Variants in SPINK6 observed in about 807,000 individuals in gnomAD.
SPINK6 encodes the protein serine peptidase inhibitor Kazal type 6, also known as serine protease inhibitor Kazal-type 6.
In SPINK6, 13 loss-of-function variants were observed where a neutral mutation model predicts 11.7. The ratio of observed to expected loss-of-function variants is 1.11; its 90% confidence interval spans 0.72 to 1.76. The LOEUF (loss-of-function observed/expected upper bound fraction) is 1.76, where lower values mean the gene tolerates loss of function less well. Among genes scored for constraint, SPINK6 ranks in the 40% most tolerant of loss-of-function variants. SPINK6 has a pLI of 0.00. For missense variants in SPINK6, 98 were observed against 93.7 expected (o/e 1.05, Z -0.19); for synonymous variants, 21 against 31.9 (o/e 0.66, Z 1.15).
chr5:148,206,333 G>A (rs1034744999), intron 2 of SPINK6, among the ~76,000 whole-genome samples: 14 of 152,134 alleles, frequency 9.2e-5, no homozygotes, highest in African/African-American at 2.9e-4. Flanking sequence ...TGATTTCACT[G>A]TGTGATCTTG....
chr5:148,209,991 T>TACACACATACGTATGTATGTATAC lies in SPINK6; in HGVS notation c.82-3918_82-3917insCACACATACGTATGTATGTATACA, dbSNP rs1398978551. 2.8e-5 allele frequency among the ~76,000 whole-genome samples: 4 copies of TACACACATACGTATGTATGTATAC among 145,404 alleles called. 1 individual carries two copies. Among genetic ancestry groups the TACACACATACGTATGTATGTATAC allele is most frequent in the African/African-American group, 5.1e-5 (2 of 39,486 alleles). ...ACATACGTACGTATGTATGTATACA[T>TACACACATACGTATGTATGTATAC]ATACACGTATGTATACATGTATGTA... On this transcript the variant is annotated intron_variant, in intron 2 of 3. Transcript: ENST00000325630.
upstream of SPINK6, chr5:148,202,780 A>C (rs979746837): frequency 2.5e-5 from 6 of 235,328 alleles, no homozygotes; most frequent in Non-Finnish European, 3.3e-5. Context: ...CAACCAGTGA[A>C]TCATCCCTAT....
rs1561732169 is a variant in SPINK6 at position 148,209,992 on chromosome 5, A to ACACACG, written c.82-3918_82-3917insCACACG. 4.8e-4 allele frequency among the ~76,000 whole-genome samples: 70 copies of ACACACG among 145,846 alleles called. 15 individuals carry two copies. The highest frequency in any genetic ancestry group is 1.2e-3 in the Admixed American group (17 of 14,746). ...CATACGTACGTATGTATGTATACAT[A>ACACACG]TACACGTATGTATACATGTATGTAC... is the stretch of plus-strand genomic sequence containing the variant. On this transcript the variant is annotated intron_variant, in intron 2 of 3. Coordinates refer to ENST00000325630, the MANE Select transcript of SPINK6 (RefSeq NM_205841.4).
intron 1 of SPINK6, among the ~76,000 whole-genome samples, chr5:148,204,533 A>G: frequency 6.6e-6 from 1 of 150,416 alleles, no homozygotes; most frequent in Non-Finnish European, 1.5e-5. Flanking sequence ...CTTAATGCTG[A>G]AACAGAGTAA....
rs1027896431 is a variant in SPINK6 at position 148,208,326 on chromosome 5, G to C, written c.81+2268G>C. 5.3e-5 allele frequency among the ~76,000 whole-genome samples: 8 copies of C among 152,248 alleles called. No individual in the cohort carries two copies. The Middle Eastern group carries it at 0.01, about 194-fold the overall frequency. ...TCCTATACTTTTAAATGGTACTGAG[G>C]CTGCCATTTCTCTTTTGCATGCCTG... On this transcript the variant is annotated intron_variant, in intron 2 of 3. Coordinates refer to ENST00000325630, the MANE Select transcript of SPINK6 (RefSeq NM_205841.4).
intron 1 of SPINK6, 25 bp from the exon 2 acceptor site, chr5:148,206,011 T>C (rs1173599962): frequency 3.1e-6 from 5 of 1,613,768 alleles, no homozygotes; most frequent in Non-Finnish European, 4.2e-6. Context: ...AATTACAGTG[T>C]TTGAATGTTG....
intron 3 of SPINK6, among the ~76,000 whole-genome samples, chr5:148,214,420 G>A (rs1265636848): frequency 6.6e-6 from 1 of 152,032 alleles, no homozygotes; most frequent in Non-Finnish European, 1.5e-5. Flanking sequence ...TAACACATCT[G>A]ACTAATTAAT....
intron 1 of SPINK6, among the ~76,000 whole-genome samples, chr5:148,203,374 G>C (rs190561589): frequency 6.6e-6 from 1 of 152,180 alleles, no homozygotes; most frequent in African/African-American, 2.4e-5. Flanking sequence ...AGGCATGTAC[G>C]AAGGGATTTT....
Position 148,203,066 on chromosome 5 carries a change from C to A in SPINK6, c.-31C>A, listed in dbSNP as rs774165308. 5 of 1,586,278 alleles carry A rather than the reference C, an allele frequency of 3.2e-6. No homozygotes were observed. In the African/African-American group the frequency reaches 5.5e-5, roughly 17 times the overall value. ...GACAGAGAACCTCAGCTGGACAAAG[C>A]AGCCTTGATCTGAGTGAGCTAACTG... On this transcript the variant is annotated 5_prime_UTR_variant, in exon 1 of 4. Transcript: ENST00000325630.
chr5:148,212,488 A>ATATATATATAAAGTATATATTT (rs1280248369), intron 2 of SPINK6, among the ~76,000 whole-genome samples: 54 of 87,932 alleles, frequency 6.1e-4, no homozygotes, highest in South Asian at 1.5e-3. Flanking sequence ...TTTTATATAT[A>ATATATATATAAAGTATATATTT]TATATATATA....
Position 148,203,067 on chromosome 5 carries a change from A to C in SPINK6, c.-30A>C. ...ACAGAGAACCTCAGCTGGACAAAGCAGCCTTGATCTGAGTGAGCTAACTGA... is the reference window on the plus strand; with the variant it reads ...ACAGAGAACCTCAGCTGGACAAAGCCGCCTTGATCTGAGTGAGCTAACTGA... On this transcript the variant is annotated 5_prime_UTR_variant, in exon 1 of 4. Transcript: ENST00000325630. 6.3e-7 allele frequency: 1 copy of C among 1,588,966 alleles called. No individual in the cohort carries two copies. The highest frequency in any genetic ancestry group is 8.5e-7 in the Non-Finnish European group (1 of 1,169,996).
At chr5:148,209,997 C>CACTTACGTAT (rs1561732192) in intron 2 of SPINK6, among the ~76,000 whole-genome samples, 1 of 145,992 alleles carries the variant, frequency 6.8e-6, no homozygotes, top group African/African-American at 2.5e-5. Context: ...TACATATACA[C>CACTTACGTAT]GTATGTATAC....
At chr5:148,213,538 CA>C (rs1212679597) in intron 2 of SPINK6, among the ~76,000 whole-genome samples, 2 of 152,172 alleles carry the variant, frequency 1.3e-5, no homozygotes, top group East Asian at 3.9e-4. Flanking sequence ...ACTGTTAGAG[CA>C]CATTAATATG....
At chr5:148,211,751 G>T (rs1028125335) in intron 2 of SPINK6, among the ~76,000 whole-genome samples, 4 of 152,126 alleles carry the variant, frequency 2.6e-5, no homozygotes, top group Non-Finnish European at 5.9e-5. Flanking sequence ...ATGGAAGTTT[G>T]TTCATATGCC....
chr5:148,207,596 C>T (rs751666146), intron 2 of SPINK6, among the ~76,000 whole-genome samples: 9 of 151,996 alleles, frequency 5.9e-5, no homozygotes, highest in African/African-American at 9.7e-5. Flanking sequence ...TTGGGGAGGC[C>T]GAGGTGGGCA....
At chr5:148,213,475 A>G (rs1755641693) in intron 2 of SPINK6, among the ~76,000 whole-genome samples, 1 of 152,052 alleles carries the variant, frequency 6.6e-6, no homozygotes, top group Non-Finnish European at 1.5e-5. Flanking sequence ...CTGGGATTAC[A>G]GGCTTGAGCC....
chr5:148,203,707 A>C lies in SPINK6; in HGVS notation c.58+553A>C, dbSNP rs187034814. ...GAAACTCAATGAGAAAAATCTTTGA[A>C]AATATGTAATTGAAACTTAGAATGC... On this transcript the variant is annotated intron_variant, in intron 1 of 3. Transcript: ENST00000325630. Among the ~76,000 whole-genome samples the C allele has an allele frequency of 5.4e-4, 82 of 152,322 alleles. 2 individuals are homozygous for C. Among genetic ancestry groups the C allele is most frequent in the African/African-American group, 1.9e-3 (78 of 41,564 alleles).
chr5:148,206,148 G>C (rs78775046), intron 2 of SPINK6, 90 bp downstream of exon 2: 1 of 1,407,358 alleles, frequency 7.1e-7, no homozygotes, highest in African/African-American at 1.4e-5. Flanking sequence ...ATGGTTAACA[G>C]AGCAAAAACA....
intron 2 of SPINK6, 63 bp downstream of exon 2, chr5:148,206,121 C>T (rs1755495443): frequency 6.3e-7 from 1 of 1,581,420 alleles, no homozygotes; most frequent in Admixed American, 1.7e-5. Context: ...CTTCACTGGC[C>T]AAAAAGAAAT....
Sources: gnomAD v4.1 joint callset for allele counts (sites outside exome capture counted in the v4.1 genomes callset) on GRCh38, gnomAD v4.1.1 for gene constraint, MANE v1.5 for transcripts, NCBI Gene and HGNC (gene_info 2026-07-23, HGNC 2026-07-21) for gene names.